EIF5A2: variants seen among roughly 807,000 people sequenced by gnomAD.
The protein encoded by EIF5A2 is eukaryotic translation initiation factor 5A-2.
EIF5A2 carries 15 observed loss-of-function variants against 16.4 expected under a neutral mutation model. The observed-to-expected ratio is 0.92, with a 90% CI of 0.61 to 1.41. The LOEUF is 1.41. EIF5A2 is among the 40% of genes most tolerant of loss of function. The probability of loss-of-function intolerance (pLI) is 0.00; values close to 1 mark genes in which losing one functional copy is unlikely to be tolerated. For missense variants in EIF5A2, 144 were observed against 189.5 expected, an observed-to-expected ratio of 0.76 and a Z score of 1.41; for synonymous variants, 48 against 61.1, an observed-to-expected ratio of 0.79 and a Z score of 1.00.
chr3:170,892,613 C>T lies in EIF5A2; in HGVS notation c.*747G>A, dbSNP rs1339156334. 1.0e-5 allele frequency: 4 copies of T among 396,292 alleles called. No individual in the cohort carries two copies. Among genetic ancestry groups the T allele is most frequent in the Non-Finnish European group, 1.8e-5 (4 of 225,244 alleles). 24.5% of individuals were successfully genotyped at this position (396,292 alleles called of 1,614,324 possible). ...AAACAACTTTTCATTTTTATGCTGA[C>T]TTACAAAGTCCTCACATAAAAACTT... On this transcript the variant is annotated 3_prime_UTR_variant, in exon 5 of 5. Transcript: ENST00000295822.
chr3:170,902,302 G>A (rs1712836868), intron 3 of EIF5A2, among the ~76,000 whole-genome samples: 1 of 151,980 alleles, frequency 6.6e-6, no homozygotes, highest in South Asian at 2.1e-4. Context: ...CTGAAAGTGG[G>A]TTTGGGAAGA....
chr3:170,907,769 C>T lies in EIF5A2; in HGVS notation c.38G>A (p.Gly13Glu). 6.3e-7 allele frequency: 1 copy of T among 1,579,592 alleles called. No individual in the cohort carries two copies. The highest frequency in any genetic ancestry group is 1.3e-5 in the African/African-American group (1 of 74,482). Reference sequence around the variant, plus strand: ...CTGCATAGGGTAAGTGCTGGAAGCCCCGGCATCTCCAGTAGTGAAATCAAT... The same window carrying T: ...CTGCATAGGGTAAGTGCTGGAAGCCTCGGCATCTCCAGTAGTGAAATCAAT... Reference protein sequence around the residue: ...DEIDFTTGDAGASSTYPMQCS... With the variant: ...DEIDFTTGDAEASSTYPMQCS... The change falls in exon 2 of 5, where the codon GGG (glycine) becomes GAG (glutamate). Residue 13 changes from glycine (G) to glutamate (E), a missense_variant. Gly to Glu is a moderately conservative substitution (Grantham distance 98). Transcript: ENST00000295822.
intron 3 of EIF5A2, among the ~76,000 whole-genome samples, chr3:170,901,152 G>A (rs925276732): frequency 6.6e-6 from 1 of 152,170 alleles, no homozygotes; most frequent in South Asian, 2.1e-4. Context: ...TCCATACAGT[G>A]GGAAAGTCTA....
chr3:170,905,385 T>C (rs138235323), intron 3 of EIF5A2, among the ~76,000 whole-genome samples: 1 of 152,352 alleles, frequency 6.6e-6, no homozygotes, highest in African/African-American at 2.4e-5. Flanking sequence ...AACCTTATCA[T>C]AGTATAATAG....
At chr3:170,893,947 C>G (rs1329811739) in intron 4 of EIF5A2, among the ~76,000 whole-genome samples, 1 of 151,860 alleles carries the variant, frequency 6.6e-6, no homozygotes, top group Non-Finnish European at 1.5e-5. Flanking sequence ...GGGAGAATCG[C>G]TTGAACCTGG....
chr3:170,904,469 C>G (rs1317708320), intron 3 of EIF5A2, among the ~76,000 whole-genome samples: 2 of 152,198 alleles, frequency 1.3e-5, no homozygotes, highest in African/African-American at 4.8e-5. Context: ...ACCACCATAG[C>G]ACAATAAATA....
chr3:170,901,955 T>C (rs1359198914), intron 3 of EIF5A2, among the ~76,000 whole-genome samples: 6 of 152,178 alleles, frequency 3.9e-5, no homozygotes, highest in Admixed American at 2.6e-4. Context: ...GCTTTATCAC[T>C]ATTATTGTAC....
At chr3:170,905,892 TA>T (rs1319422381) in intron 3 of EIF5A2, among the ~76,000 whole-genome samples, 1 of 152,078 alleles carries the variant, frequency 6.6e-6, no homozygotes, top group Admixed American at 6.5e-5. Flanking sequence ...TCTACCTGGT[TA>T]AAAAAACCCA....
Position 170,889,832 on chromosome 3 carries a change from G to A in EIF5A2, c.*3528C>T, listed in dbSNP as rs1316864410. On this transcript the variant is annotated 3_prime_UTR_variant, in exon 5 of 5. Coordinates refer to ENST00000295822, the MANE Select transcript of EIF5A2 (RefSeq NM_020390.6). ...AGGAATGCTTTCAGATGTATCCTAA[G>A]GATAGGATTCTAAGATGAGACTGCC... 1 of 152,346 alleles carries A rather than the reference G, an allele frequency of 6.6e-6. No homozygotes were observed. The highest frequency in any genetic ancestry group is 1.5e-5 in the Non-Finnish European group (1 of 67,924). 9.4% of individuals were successfully genotyped at this position (152,346 alleles called of 1,614,324 possible).
At chr3:170,905,465 A>C (rs1378611642) in intron 3 of EIF5A2, among the ~76,000 whole-genome samples, 1 of 152,270 alleles carries the variant, frequency 6.6e-6, no homozygotes, top group Non-Finnish European at 1.5e-5. Flanking sequence ...TATTGAATGA[A>C]TATTACTGAA....
intron 3 of EIF5A2, among the ~76,000 whole-genome samples, chr3:170,896,980 C>T (rs764171212): frequency 6.6e-5 from 10 of 152,192 alleles, no homozygotes; most frequent in South Asian, 2.1e-4. Context: ...AAGGTCACTC[C>T]TGCCGTGCTT....
intron 3 of EIF5A2, among the ~76,000 whole-genome samples, chr3:170,899,953 G>C (rs1300505467): frequency 6.6e-6 from 1 of 151,126 alleles, no homozygotes; most frequent in Non-Finnish European, 1.5e-5. Flanking sequence ...TTGGTAGAAA[G>C]TAATTATTGT....
intron 4 of EIF5A2, 96 bp from the exon 5 acceptor site, chr3:170,893,515 GT>G (rs3215293): frequency 0.17 from 228,777 of 1,334,082 alleles, 20,136 homozygotes; most frequent in East Asian, 0.23. Flanking sequence ...TGGATATTTT[GT>G]ACATATGGAC....
chr3:170,894,041 A>T (rs934058217), intron 4 of EIF5A2, among the ~76,000 whole-genome samples: 1 of 151,860 alleles, frequency 6.6e-6, no homozygotes, highest in Non-Finnish European at 1.5e-5. Flanking sequence ...AAAAAAAAAA[A>T]AAAAGTCAGG....
At chr3:170,893,823 A>T (rs915247031) in intron 4 of EIF5A2, among the ~76,000 whole-genome samples, 5 of 152,216 alleles carry the variant, frequency 3.3e-5, no homozygotes, top group African/African-American at 1.2e-4. Flanking sequence ...ACCTGAGGTC[A>T]GGAGTTCAAA....
At chr3:170,896,801 G>A (rs1712685668) in intron 3 of EIF5A2, among the ~76,000 whole-genome samples, 1 of 152,244 alleles carries the variant, frequency 6.6e-6, no homozygotes, top group Non-Finnish European at 1.5e-5. Context: ...AACAGGCAGA[G>A]ACTGCAACAG....
rs538205704 is a variant in EIF5A2, at chr3:170,890,465, C to G, written c.*2895G>C. ...ACAGAGTCAAGAGCTTGGTTAGCAA[C>G]AGTTTCTTCAAGTGACTGAGCCCCT... On this transcript the variant is annotated 3_prime_UTR_variant, in exon 5 of 5. Transcript: ENST00000295822. 2.8e-4 allele frequency: 42 copies of G among 152,112 alleles called. No individual in the cohort carries two copies. The highest frequency in any genetic ancestry group is 9.2e-4 in the Admixed American group (14 of 15,280). The allele number at this position is 152,112 out of a possible 1,614,324, so 9.4% of individuals were successfully genotyped here.
chr3:170,895,838 T>A (rs181109580), intron 3 of EIF5A2, among the ~76,000 whole-genome samples: 55 of 152,260 alleles, frequency 3.6e-4, no homozygotes, highest in African/African-American at 1.3e-3. Flanking sequence ...TGTAACTTTT[T>A]AAAAAATATA....
At chr3:170,900,914 T>C (rs1712797550) in intron 3 of EIF5A2, among the ~76,000 whole-genome samples, 1 of 152,194 alleles carries the variant, frequency 6.6e-6, no homozygotes, top group Admixed American at 6.5e-5. Context: ...AATTAATATG[T>C]TGAGGCAGTA....
Sources: gnomAD v4.1 joint callset for allele counts (sites outside exome capture counted in the v4.1 genomes callset) on GRCh38, gnomAD v4.1.1 for gene constraint, MANE v1.5 for transcripts, NCBI Gene and HGNC (gene_info 2026-07-23, HGNC 2026-07-21) for gene names.